MOB3B: variants seen among roughly 807,000 people sequenced by gnomAD.
MOB3B encodes the protein MOB kinase activator-like 2B.
A neutral mutation model predicts 18.7 loss-of-function variants in MOB3B; 7 were observed. The ratio of observed to expected loss-of-function variants is 0.37; its 90% CI spans 0.21 to 0.70. The LOEUF is 0.70. MOB3B is among the 30% of genes least tolerant of loss of function. The probability of loss-of-function intolerance (pLI) is 0.52; values close to 1 mark genes in which losing one functional copy is unlikely to be tolerated. For missense variants in MOB3B, 253 were observed against 281.3 expected (o/e 0.90, Z 0.72); for synonymous variants, 111 against 99.9 (o/e 1.11, Z -0.66).
intron 1 of MOB3B, among the ~76,000 whole-genome samples, chr9:27,521,428 T>C (rs930303593): frequency 6.6e-6 from 1 of 152,320 alleles, no homozygotes; most frequent in East Asian, 1.9e-4. Flanking sequence ...GTTAGTATCA[T>C]TGAACTGTCT....
intron 1 of MOB3B, among the ~76,000 whole-genome samples, chr9:27,482,771 T>C (rs1819680412): frequency 6.6e-6 from 1 of 152,202 alleles, no homozygotes; most frequent in Admixed American, 6.5e-5. Flanking sequence ...ATGCACCACA[T>C]GGCCGTTTTT....
chr9:27,417,951 G>A (rs1432510254), intron 2 of MOB3B, among the ~76,000 whole-genome samples: 2 of 151,800 alleles, frequency 1.3e-5, no homozygotes, highest in Non-Finnish European at 2.9e-5. Context: ...AATTAGCTGG[G>A]TGTGGTGGCA....
intron 2 of MOB3B, among the ~76,000 whole-genome samples, chr9:27,420,585 A>ATATATG (rs1822232092): frequency 8.3e-6 from 1 of 121,048 alleles, no homozygotes; most frequent in Non-Finnish European, 1.8e-5. Context: ...ATATATATAT[A>ATATATG]TATATATATA....
At chr9:27,414,878 T>G (rs28729632) in intron 2 of MOB3B, among the ~76,000 whole-genome samples, 8,286 of 151,482 alleles carry the variant, frequency 0.055, 423 homozygotes, top group African/African-American at 0.14. Flanking sequence ...ATTTTTTAAT[T>G]TTTTTTTTTG....
At chr9:27,454,368 GC>G (rs1822837722) in intron 2 of MOB3B, among the ~76,000 whole-genome samples, 1 of 152,196 alleles carries the variant, frequency 6.6e-6, no homozygotes, top group Non-Finnish European at 1.5e-5. Flanking sequence ...AGGCACTGGA[GC>G]TACAACAGTG....
chr9:27,336,332 G>T (rs76590522), intron 3 of MOB3B, among the ~76,000 whole-genome samples: 55 of 130,568 alleles, frequency 4.2e-4, no homozygotes, highest in Middle Eastern at 3.5e-3. Context: ...AATGGATAAG[G>T]GGGGGGAAGA....
At chr9:27,504,010 A>G (rs1820024694) in intron 1 of MOB3B, among the ~76,000 whole-genome samples, 1 of 152,242 alleles carries the variant, frequency 6.6e-6, no homozygotes, top group East Asian at 1.9e-4. Context: ...TGTGGCCATA[A>G]GCAGTCCCTA....
intron 1 of MOB3B, chr9:27,524,563 C>T (rs774123685): frequency 1.9e-6 from 3 of 1,614,064 alleles, no homozygotes; most frequent in Non-Finnish European, 1.7e-6. Context: ...CTGCAATACA[C>T]CCAACCTATG....
chr9:27,365,318 A>G (rs1483133093), intron 2 of MOB3B, among the ~76,000 whole-genome samples: 2 of 151,716 alleles, frequency 1.3e-5, no homozygotes, highest in Non-Finnish European at 2.9e-5. Flanking sequence ...TGTGGAAAGG[A>G]AAAACTCTGA....
In MOB3B at chr9:27,359,140, C is replaced by G; in HGVS notation, c.515G>C (p.Arg172Pro). Residue 172 changes from arginine (R) to proline (P), a missense_variant, in exon 3 of 4, where the codon CGG (arginine) becomes CCG (proline). Transcript: ENST00000262244. ...GGCCTCTGCACCCATCACAATGACC[C>G]GGTCGAAGTGGTGGATATAGACGTG... ...FVHVYIHHFD[R>P]VIVMGAEAHV... The G allele has an allele frequency of 6.2e-7, 1 of 1,614,068 alleles. No homozygotes were observed. Among genetic ancestry groups the G allele is most frequent in the Non-Finnish European group, 8.5e-7 (1 of 1,180,026 alleles).
At chr9:27,344,841 A>G (rs1563845775) in intron 3 of MOB3B, among the ~76,000 whole-genome samples, 1 of 152,250 alleles carries the variant, frequency 6.6e-6, no homozygotes, top group Non-Finnish European at 1.5e-5. Context: ...TTCCCAGAGC[A>G]TAGGTGCCCC....
At chr9:27,386,041 G>T (rs557486157) in intron 2 of MOB3B, among the ~76,000 whole-genome samples, 1 of 152,362 alleles carries the variant, frequency 6.6e-6, no homozygotes, top group East Asian at 1.9e-4. Flanking sequence ...TGTGCAAGAA[G>T]CACATGGACA....
At chr9:27,389,920 C>T (rs1046611801) in intron 2 of MOB3B, among the ~76,000 whole-genome samples, 1 of 151,918 alleles carries the variant, frequency 6.6e-6, no homozygotes, top group African/African-American at 2.4e-5. Context: ...GAATTTTTCA[C>T]AACCCTCCAC....
intron 1 of MOB3B, among the ~76,000 whole-genome samples, chr9:27,509,520 G>A (rs1411377123): frequency 6.6e-6 from 1 of 152,050 alleles, no homozygotes; most frequent in Non-Finnish European, 1.5e-5. Context: ...GGGTTCAAGC[G>A]ATCCTCCCAC....
intron 2 of MOB3B, among the ~76,000 whole-genome samples, chr9:27,417,018 C>A (rs760514517): frequency 6.6e-6 from 1 of 152,106 alleles, no homozygotes; most frequent in Non-Finnish European, 1.5e-5. Flanking sequence ...ATTTTAGACA[C>A]CTGGGATTGC....
chr9:27,382,087 G>A (rs6475992), intron 2 of MOB3B, among the ~76,000 whole-genome samples: 86,413 of 151,958 alleles, frequency 0.57, 25,295 homozygotes, highest in African/African-American at 0.7. Flanking sequence ...ACATTATTTC[G>A]TCTAAGTGTC....
chr9:27,421,017 T>C (rs115064339), intron 2 of MOB3B: 8,585 of 152,246 alleles, frequency 0.056, 456 homozygotes, highest in African/African-American at 0.15. Flanking sequence ...CACATCTGTA[T>C]TGGGAGGCCT....
At chr9:27,490,876 G>C (rs573173246) in intron 1 of MOB3B, among the ~76,000 whole-genome samples, 2 of 152,076 alleles carry the variant, frequency 1.3e-5, no homozygotes, top group African/African-American at 4.8e-5. Context: ...GAGGGTCTGA[G>C]GAAAGCCCAG....
chr9:27,382,015 G>C (rs755456357), intron 2 of MOB3B, among the ~76,000 whole-genome samples: 1 of 152,122 alleles, frequency 6.6e-6, no homozygotes, highest in Non-Finnish European at 1.5e-5. Flanking sequence ...TCGGGCCTTG[G>C]AGTCAGAAAG....
Sources: allele counts gnomAD v4.1 joint callset (sites outside exome capture counted in the v4.1 genomes callset), GRCh38; gene constraint gnomAD v4.1.1; transcripts MANE v1.5; gene names NCBI Gene and HGNC (gene_info 2026-07-23, HGNC 2026-07-21).